AFG1L: variants seen among roughly 807,000 people sequenced by gnomAD.
AFG1L encodes the protein AFG1-like ATPase.
In AFG1L, 53 loss-of-function variants were observed where a neutral mutation model predicts 62.2. The observed-to-expected ratio is 0.85, with a 90% CI of 0.68 to 1.07. The LOEUF (loss-of-function observed/expected upper bound fraction) is 1.07, where lower values mean the gene tolerates loss of function less well. AFG1L is among the 50% of genes least tolerant of loss of function. The pLI is 0.00. For synonymous variants in AFG1L, 228 were observed against 210.3 expected, an observed-to-expected ratio of 1.08 and a Z score of -0.73; for missense variants, 555 against 590.5, an observed-to-expected ratio of 0.94 and a Z score of 0.62.
intron 3 of AFG1L, among the ~76,000 whole-genome samples, chr6:108,352,701 A>T (rs1482186193): frequency 1.3e-5 from 2 of 152,066 alleles, no homozygotes; most frequent in Non-Finnish European, 2.9e-5. Flanking sequence ...AGTAGCTGGG[A>T]CTACAGGCAT....
chr6:108,484,746 A>T (rs1268886785), intron 10 of AFG1L, among the ~76,000 whole-genome samples: 3 of 152,238 alleles, frequency 2.0e-5, no homozygotes, highest in Admixed American at 6.5e-5. Flanking sequence ...ATTTGATTTT[A>T]AAAAGTAAGA....
chr6:108,395,865 C>T (rs1208480265), intron 6 of AFG1L, among the ~76,000 whole-genome samples: 1 of 150,452 alleles, frequency 6.6e-6, no homozygotes, highest in Admixed American at 6.6e-5. Context: ...GAGTCTTGCT[C>T]TGTCACCCAG....
intron 1 of AFG1L, among the ~76,000 whole-genome samples, chr6:108,300,056 C>T (rs1776919481): frequency 6.6e-6 from 1 of 151,956 alleles, no homozygotes; most frequent in East Asian, 1.9e-4. Context: ...GACAATATAA[C>T]AATATTATAT....
In AFG1L at chr6:108,387,944, A is replaced by G. The variant is rs1051038843; in HGVS notation, c.749-14052A>G. ...TTTTTTTTTAGTTTAAGAAAAGCAA[A>G]AGACCACAGTGAACTTAAATGAACT... On this transcript the variant is annotated intron_variant, in intron 6 of 12. Coordinates refer to ENST00000368977, the MANE Select transcript of AFG1L (RefSeq NM_145315.5). 2.0e-5 allele frequency: 3 copies of G among 152,038 alleles called. No individual in the cohort carries two copies. In the South Asian group the frequency reaches 6.2e-4, roughly 32 times the overall value. The allele number at this position is 152,038 out of a possible 1,614,324, so 9.4% of individuals were successfully genotyped here.
chr6:108,510,095 C>A, intron 10 of AFG1L, 117 bp from the exon 11 acceptor site: 2 of 706,784 alleles, frequency 2.8e-6, no homozygotes, highest in East Asian at 2.9e-5. Context: ...TCAAGTTACC[C>A]ACAGCTACCA....
intron 2 of AFG1L, among the ~76,000 whole-genome samples, chr6:108,338,249 C>T (rs1485263209): frequency 6.6e-6 from 1 of 152,178 alleles, no homozygotes; most frequent in African/African-American, 2.4e-5. Flanking sequence ...CATTTTGGCT[C>T]TGACACTATC....
At chr6:108,356,407 A>G (rs1446116182) in intron 4 of AFG1L, among the ~76,000 whole-genome samples, 4 of 152,230 alleles carry the variant, frequency 2.6e-5, no homozygotes, top group African/African-American at 9.6e-5. Context: ...GTGTTGATGC[A>G]TCTAATCACT....
intron 1 of AFG1L, among the ~76,000 whole-genome samples, chr6:108,312,854 C>G (rs191034542): frequency 6.6e-6 from 1 of 152,068 alleles, no homozygotes; most frequent in East Asian, 1.9e-4. Flanking sequence ...TCACTGTGGC[C>G]TTGAACTCCT....
At chr6:108,304,138 C>T (rs1273250455) in intron 1 of AFG1L, among the ~76,000 whole-genome samples, 1 of 151,992 alleles carries the variant, frequency 6.6e-6, no homozygotes, top group Non-Finnish European at 1.5e-5. Flanking sequence ...TCAAAAGCAC[C>T]CTTTTAAAGC....
At chr6:108,399,174 G>GTTTTTTTTTTTTTTTTTTTTTTTTTTTT (rs1424528059) in intron 6 of AFG1L, among the ~76,000 whole-genome samples, 2 of 51,414 alleles carry the variant, frequency 3.9e-5, no homozygotes, top group African/African-American at 1.7e-4. Context: ...CACTTCTTTT[G>GTTTTTTTTTTTTTTTTTTTTTTTTTTTT]TTTGTTTTTT....
At chr6:108,485,652 ATATATTTTTTTTTTTT>A (rs1204461911) in intron 10 of AFG1L, among the ~76,000 whole-genome samples, 1 of 22,728 alleles carries the variant, frequency 4.4e-5, no homozygotes, top group East Asian at 1.1e-3. Flanking sequence ...ATATATATAT[ATATATTTTTTTTTTTT>A]TTTTTTTTTT....
At chr6:108,364,526 C>T (rs763327782) in intron 5 of AFG1L, among the ~76,000 whole-genome samples, 4 of 152,106 alleles carry the variant, frequency 2.6e-5, no homozygotes, top group Middle Eastern at 3.2e-3. Context: ...ATCATACAGT[C>T]AAATGACCAT....
chr6:108,310,667 C>T (rs908094561), intron 1 of AFG1L, among the ~76,000 whole-genome samples: 6 of 151,612 alleles, frequency 4.0e-5, no homozygotes. Flanking sequence ...CTCCACCTCC[C>T]GGGCTCAAGT....
At chr6:108,416,140 A>G (rs892471921) in intron 7 of AFG1L, among the ~76,000 whole-genome samples, 3 of 152,260 alleles carry the variant, frequency 2.0e-5, no homozygotes, top group Non-Finnish European at 2.9e-5. Context: ...TCAAAAGAAG[A>G]CATTTATGCA....
At chr6:108,328,969 C>T (rs1480273418) in intron 2 of AFG1L, among the ~76,000 whole-genome samples, 1 of 152,160 alleles carries the variant, frequency 6.6e-6, no homozygotes, top group African/African-American at 2.4e-5. Context: ...TCAAATGTGT[C>T]TAATGAAAGG....
At position 108,462,505 on chromosome 6, in the gene AFG1L, A is replaced by G. The variant is rs1212494508; in HGVS notation, c.891-14360A>G. Among the ~76,000 whole-genome samples, 3 of 152,240 alleles carry G rather than the reference A, an allele frequency of 2.0e-5. No individual in the cohort carries two copies. The South Asian group carries it at 6.2e-4, about 31-fold the overall frequency. ...TTATTAATTAATCTTGCATTAACTC[A>G]AAAACTACTGAACTAGAAATTAATT... On this transcript the variant is annotated intron_variant, in intron 8 of 12. Coordinates refer to ENST00000368977, the MANE Select transcript of AFG1L (RefSeq NM_145315.5).
chr6:108,351,172 G>A (rs1779067204), intron 3 of AFG1L, among the ~76,000 whole-genome samples: 1 of 152,132 alleles, frequency 6.6e-6, no homozygotes, highest in Non-Finnish European at 1.5e-5. Context: ...GAAGGCTGAG[G>A]ACATTTCTGT....
At chr6:108,497,372 T>A (rs1774013001) in intron 10 of AFG1L, among the ~76,000 whole-genome samples, 1 of 152,222 alleles carries the variant, frequency 6.6e-6, no homozygotes, top group African/African-American at 2.4e-5. Flanking sequence ...TAGCCTCTTT[T>A]ACTTACTATA....
At chr6:108,458,068 A>G (rs948492823) in intron 8 of AFG1L, among the ~76,000 whole-genome samples, 2 of 152,052 alleles carry the variant, frequency 1.3e-5, no homozygotes, top group Non-Finnish European at 2.9e-5. Context: ...GGCTGCTTCT[A>G]CAATTTTATT....
Sources: allele counts gnomAD v4.1 joint callset (sites outside exome capture counted in the v4.1 genomes callset), GRCh38; gene constraint gnomAD v4.1.1; transcripts MANE v1.5; gene names NCBI Gene and HGNC (gene_info 2026-07-23, HGNC 2026-07-21).